The following SLC25A21 variants were observed in gnomAD, a reference collection of about 807,000 sequenced individuals.
SLC25A21 encodes the protein mitochondrial 2-oxodicarboxylate carrier.
A neutral mutation model predicts 43.8 loss-of-function variants in SLC25A21; 47 were observed. The observed-to-expected ratio is 1.07, with a 90% CI of 0.85 to 1.37. The LOEUF (loss-of-function observed/expected upper bound fraction) is 1.37. SLC25A21 is among the 40% of genes most tolerant of loss of function. The probability of loss-of-function intolerance (pLI) is 0.00; values close to 1 mark genes in which losing one functional copy is unlikely to be tolerated. For synonymous variants in SLC25A21, 131 were observed against 121.3 expected, an observed-to-expected ratio of 1.08 and a Z score of -0.52; for missense variants, 352 against 350.2, an observed-to-expected ratio of 1.00 and a Z score of -0.04.
chr14:36,880,667 T>C (rs953950606), intron 1 of SLC25A21, among the ~76,000 whole-genome samples: 1 of 152,222 alleles, frequency 6.6e-6, no homozygotes, highest in Non-Finnish European at 1.5e-5. Flanking sequence ...TAAATTGAAC[T>C]GGCAGCTATT....
rs1402309573 is a variant in SLC25A21 at position 37,172,563 on chromosome 14, C to G, written c.-213G>C. On this transcript the variant is annotated 5_prime_UTR_variant, in exon 1 of 10. Coordinates refer to ENST00000331299, the MANE Select transcript of SLC25A21 (RefSeq NM_030631.4). ...CGCGTCGGAACCTGTTCGCAGCGCT[C>G]TCGCAGAGGCGCCCTCGGCTCCGAA... The G allele has an allele frequency of 1.4e-6, 1 of 706,734 alleles. No individual in the cohort carries two copies. The highest frequency in any genetic ancestry group is 1.7e-5 in the African/African-American group (1 of 57,428). The allele number at this position is 706,734 out of a possible 1,614,324, so 43.8% of individuals were successfully genotyped here. A position where few individuals can be genotyped will look rare whatever the true frequency, so the allele number is the denominator to read the frequency against.
chr14:37,050,107 T>C (rs1445547433), intron 1 of SLC25A21, among the ~76,000 whole-genome samples: 1 of 152,242 alleles, frequency 6.6e-6, no homozygotes, highest in Non-Finnish European at 1.5e-5. Context: ...AGGCAATCAC[T>C]ATTTCCAAAA....
rs756536717 is a variant in SLC25A21 at position 36,679,371 on chromosome 14, T to G, written c.*1287A>C. 22 of 975,186 alleles carry G rather than the reference T, an allele frequency of 2.3e-5. No individual in the cohort carries two copies. The highest frequency in any genetic ancestry group is 2.7e-5 in the Non-Finnish European group (22 of 820,830). 60.4% of individuals were successfully genotyped at this position (975,186 alleles called of 1,614,324 possible). A position where few individuals can be genotyped will look rare whatever the true frequency, so the allele number is the denominator to read the frequency against. The stretch of plus-strand genomic sequence containing the variant: ...ATAAAAAGTAATAATTACCATGTTA[T>G]CTTTTACTTTTTATTTTCAAAATGC... On this transcript the variant is annotated 3_prime_UTR_variant, in exon 10 of 10. Coordinates refer to ENST00000331299, the MANE Select transcript of SLC25A21 (RefSeq NM_030631.4).
At chr14:36,695,664 T>TACA (rs1310101100) in intron 7 of SLC25A21, among the ~76,000 whole-genome samples, 1 of 152,214 alleles carries the variant, frequency 6.6e-6, no homozygotes, top group Non-Finnish European at 1.5e-5. Flanking sequence ...TTTTATTCTC[T>TACA]TTGTAGCAAT....
At position 36,919,088 on chromosome 14, in the gene SLC25A21, GATGAATGA is replaced by G. The variant is rs112178475; in HGVS notation, c.71-44092_71-44085del. Among the ~76,000 whole-genome samples the G allele has an allele frequency of 1.5e-3, 235 of 151,782 alleles. 1 individual carries two copies. Among genetic ancestry groups the G allele is most frequent in the African/African-American group, 5.3e-3 (219 of 41,398 alleles). ...AACATTCATATAAAATAAATGAATG[GATGAATGA>G]ATGAATGAATGAATGAATGGTGTAT... On this transcript the variant is annotated intron_variant, in intron 1 of 9. Coordinates refer to ENST00000331299, the MANE Select transcript of SLC25A21 (RefSeq NM_030631.4).
At chr14:37,048,003 G>C (rs2138793383) in intron 1 of SLC25A21, among the ~76,000 whole-genome samples, 1 of 152,216 alleles carries the variant, frequency 6.6e-6, no homozygotes, top group East Asian at 1.9e-4. Flanking sequence ...AATTAATGCA[G>C]AACCCATCAC....
At chr14:36,690,865 A>G (rs1882768013) in intron 7 of SLC25A21, among the ~76,000 whole-genome samples, 1 of 152,176 alleles carries the variant, frequency 6.6e-6, no homozygotes, top group Non-Finnish European at 1.5e-5. Context: ...GTGAGTCACC[A>G]TATTAGCTGA....
At chr14:37,116,630 G>A (rs567167814) in intron 1 of SLC25A21, among the ~76,000 whole-genome samples, 21 of 152,096 alleles carry the variant, frequency 1.4e-4, no homozygotes, top group East Asian at 1.2e-3. Flanking sequence ...TAAATTTATC[G>A]GAACAATATG....
chr14:36,723,533 T>C (rs1884460892), intron 6 of SLC25A21, among the ~76,000 whole-genome samples: 1 of 152,198 alleles, frequency 6.6e-6, no homozygotes, highest in Non-Finnish European at 1.5e-5. Flanking sequence ...CACTATCCCC[T>C]GGCCCCTGCT....
chr14:36,797,059 G>A (rs922260438), intron 3 of SLC25A21, among the ~76,000 whole-genome samples: 2 of 152,178 alleles, frequency 1.3e-5, no homozygotes, highest in African/African-American at 4.8e-5. Flanking sequence ...TAGCTGATCT[G>A]AACCTTGCTA....
intron 1 of SLC25A21, among the ~76,000 whole-genome samples, chr14:36,898,555 C>T (rs1301622066): frequency 5.9e-5 from 9 of 152,150 alleles, no homozygotes; most frequent in Non-Finnish European, 1.0e-4. Context: ...ACCCACTTTC[C>T]GACACTCCCC....
chr14:37,031,412 T>C (rs922120140), intron 1 of SLC25A21, among the ~76,000 whole-genome samples: 5 of 152,246 alleles, frequency 3.3e-5, no homozygotes, highest in Non-Finnish European at 5.9e-5. Context: ...ATTTTCATGT[T>C]AGGTTTTTAA....
At chr14:37,094,627 TACAC>T (rs1230690523) in intron 1 of SLC25A21, among the ~76,000 whole-genome samples, 2 of 151,582 alleles carry the variant, frequency 1.3e-5, no homozygotes, top group African/African-American at 2.4e-5. Context: ...TATATACAAA[TACAC>T]ACAATCACAT....
chr14:36,704,668 A>C (rs1883428626), intron 7 of SLC25A21, among the ~76,000 whole-genome samples: 1 of 151,798 alleles, frequency 6.6e-6, no homozygotes, highest in Non-Finnish European at 1.5e-5. Flanking sequence ...AAAAAAAAAA[A>C]AAACAAAAAA....
intron 7 of SLC25A21, among the ~76,000 whole-genome samples, chr14:36,703,588 T>C (rs1883372735): frequency 6.6e-6 from 1 of 152,142 alleles, no homozygotes; most frequent in Non-Finnish European, 1.5e-5. Flanking sequence ...TTCTGCAAAA[T>C]AACCTGCAAA....
chr14:36,702,505 G>GAAAAAGAAAA (rs1225989947), intron 7 of SLC25A21, among the ~76,000 whole-genome samples: 1 of 136,650 alleles, frequency 7.3e-6, no homozygotes, highest in Non-Finnish European at 1.6e-5. Flanking sequence ...AAGAAAGAAA[G>GAAAAAGAAAA]AAAAAGAAAA....
intron 1 of SLC25A21, among the ~76,000 whole-genome samples, chr14:37,053,837 A>C (rs1961762015): frequency 6.6e-6 from 1 of 152,252 alleles, no homozygotes; most frequent in Admixed American, 6.5e-5. Context: ...CAAAGATAAG[A>C]CAATTTGAGC....
intron 1 of SLC25A21, among the ~76,000 whole-genome samples, chr14:36,902,268 T>C (rs1311765949): frequency 6.6e-6 from 1 of 152,182 alleles, no homozygotes; most frequent in Non-Finnish European, 1.5e-5. Flanking sequence ...ATGAGGGTTG[T>C]AGCTATGCTG....
chr14:36,826,593 A>C (rs1427268331), intron 2 of SLC25A21, among the ~76,000 whole-genome samples: 2 of 152,206 alleles, frequency 1.3e-5, no homozygotes, highest in Non-Finnish European at 1.5e-5. Flanking sequence ...GCTCTTCGTG[A>C]GGGCCTGAGG....
Sources: gnomAD v4.1 joint callset for allele counts (sites outside exome capture counted in the v4.1 genomes callset) on GRCh38, gnomAD v4.1.1 for gene constraint, MANE v1.5 for transcripts, NCBI Gene and HGNC (gene_info 2026-07-23, HGNC 2026-07-21) for gene names.